KLHL13: variants seen among roughly 807,000 people sequenced by gnomAD.
The protein encoded by KLHL13 is kelch like family member 13.
KLHL13 carries 10 observed loss-of-function variants against 37.1 expected under a neutral mutation model. The ratio of observed to expected loss-of-function variants is 0.27; its 90% confidence interval spans 0.17 to 0.46. The LOEUF is 0.46. KLHL13 is among the 20% of genes least tolerant of loss of function. The pLI, the probability that KLHL13 is intolerant of heterozygous loss-of-function variation, is 1.00. For synonymous variants in KLHL13, 163 were observed against 181.2 expected (o/e 0.90, Z 0.81); for missense variants, 360 against 509.3 (o/e 0.71, Z 2.82).
rs187912317 is a variant in KLHL13, at chrX:118,087,221, C to T, written c.-56+29287G>A. ...CTTAATTTCCCTCTAAACTCTCATCCCTGTTAAGAAGTTAACTAGCCTTCC... is the reference window on the plus strand; with the variant it reads ...CTTAATTTCCCTCTAAACTCTCATCTCTGTTAAGAAGTTAACTAGCCTTCC... On this transcript the variant is annotated intron_variant, in intron 1 of 6. Coordinates refer to the KLHL13 transcript ENST00000371882. Among the ~76,000 whole-genome samples, 175 of 110,363 alleles carry T rather than the reference C, an allele frequency of 1.6e-3. 2 individuals are homozygous for T. The highest frequency in any genetic ancestry group is 5.4e-3 in the African/African-American group (165 of 30,440).
chrX:118,030,069 C>T (rs185068316), intron 1 of KLHL13, among the ~76,000 whole-genome samples: 18 of 110,960 alleles, frequency 1.6e-4, no homozygotes, highest in African/African-American at 5.5e-4. Flanking sequence ...TTGTCGTCAG[C>T]CCTCTTCCAG....
At chrX:118,062,870 G>A (rs1243870657) in intron 1 of KLHL13, among the ~76,000 whole-genome samples, 1 of 111,112 alleles carries the variant, frequency 9.0e-6, no homozygotes, top group African/African-American at 3.3e-5. Context: ...TGAATCTGGT[G>A]AAAAGGAAAA....
intron 1 of KLHL13, among the ~76,000 whole-genome samples, chrX:118,038,059 T>C: frequency 8.9e-6 from 1 of 112,418 alleles, no homozygotes; most frequent in East Asian, 2.8e-4. Context: ...AGGAGAACAA[T>C]TGTTTGATGT....
chrX:118,090,796 A>G (rs1381438125), intron 1 of KLHL13, among the ~76,000 whole-genome samples: 1 of 110,173 alleles, frequency 9.1e-6, no homozygotes, highest in African/African-American at 3.3e-5. Context: ...CCAAAGGATT[A>G]TAAGTCATGC....
chrX:118,054,187 C>G (rs182800550), intron 1 of KLHL13, among the ~76,000 whole-genome samples: 47 of 110,811 alleles, frequency 4.2e-4, no homozygotes, highest in African/African-American at 1.4e-3. Context: ...TTCCTCATCT[C>G]CATGCTAACA....
At chrX:117,977,107 A>G (rs1022665630), upstream of KLHL13, among the ~76,000 whole-genome samples, 3 of 111,900 alleles carry the variant, frequency 2.7e-5, no homozygotes, top group African/African-American at 9.7e-5. Flanking sequence ...GCATGTTTCT[A>G]TTTGAAGTGA....
At chrX:118,096,696 C>A (rs1168358508) in intron 1 of KLHL13, among the ~76,000 whole-genome samples, 1 of 111,230 alleles carries the variant, frequency 9.0e-6, no homozygotes, top group Non-Finnish European at 1.9e-5. Context: ...ACTGGCAAAC[C>A]GAATCCAGCA....
chrX:118,090,655 T>C (rs1317975484), intron 1 of KLHL13, among the ~76,000 whole-genome samples: 3 of 109,769 alleles, frequency 2.7e-5, no homozygotes, highest in African/African-American at 6.6e-5. Context: ...TGTGGAGAAA[T>C]AGGAACACTT....
intron 1 of KLHL13, among the ~76,000 whole-genome samples, chrX:117,957,121 G>A (rs1396472704): frequency 9.0e-6 from 1 of 111,549 alleles, no homozygotes; most frequent in Admixed American, 9.6e-5. Context: ...CAACTGCTAA[G>A]TTCAACTGAA....
At chrX:118,075,419 G>A (rs1427584012) in intron 1 of KLHL13, among the ~76,000 whole-genome samples, 2 of 112,039 alleles carry the variant, frequency 1.8e-5, no homozygotes, top group Admixed American at 1.9e-4. Flanking sequence ...CTGAAGGAAG[G>A]CAAGTCCTGA....
intron 2 of KLHL13, among the ~76,000 whole-genome samples, chrX:117,935,922 G>C (rs756812699): frequency 7.2e-5 from 8 of 111,632 alleles, no homozygotes; most frequent in Non-Finnish European, 1.5e-4. Context: ...TGATTGTGGT[G>C]ACAGTTGCAC....
chrX:118,071,359 T>C (rs1247875626), intron 1 of KLHL13, among the ~76,000 whole-genome samples: 3 of 111,326 alleles, frequency 2.7e-5, no homozygotes, highest in African/African-American at 9.8e-5. Context: ...TTGAACTAGT[T>C]TACAGTCCCA....
chrX:117,910,040 G>A (rs369418802), exon 5 of KLHL13: 226 of 1,199,522 alleles, frequency 1.9e-4, no homozygotes, highest in Admixed American at 1.7e-3. Context: ...TATCCACTTC[G>A]GTTAGATTGT....
At chrX:117,946,954 T>C (rs778649979) in intron 1 of KLHL13, 1 of 111,969 alleles carries the variant, frequency 8.9e-6, no homozygotes, top group South Asian at 3.7e-4. Flanking sequence ...ATTAGAGCCA[T>C]AGTATAACCA....
At chrX:118,086,236 G>A (rs1271619634) in intron 1 of KLHL13, among the ~76,000 whole-genome samples, 4 of 111,818 alleles carry the variant, frequency 3.6e-5, no homozygotes, top group Non-Finnish European at 7.5e-5. Context: ...ATGCCCGGAT[G>A]TCTTTTTTAT....
chrX:118,103,085 G>T (rs1485906329), intron 1 of KLHL13, among the ~76,000 whole-genome samples: 1 of 111,889 alleles, frequency 8.9e-6, no homozygotes, highest in South Asian at 3.7e-4. Flanking sequence ...CTAGTTGTGA[G>T]AAAAGGTAGC....
intron 1 of KLHL13, among the ~76,000 whole-genome samples, chrX:118,012,344 T>C (rs2054079165): frequency 1.8e-5 from 2 of 111,387 alleles, no homozygotes. Flanking sequence ...AAATTAACTA[T>C]TGGCAAAGCT....
intron 1 of KLHL13, among the ~76,000 whole-genome samples, chrX:117,980,112 C>T (rs1322107904): frequency 1.8e-5 from 2 of 111,437 alleles, no homozygotes; most frequent in African/African-American, 6.5e-5. Flanking sequence ...AATATAGAAG[C>T]AAGACTGCCA....
At chrX:117,955,043 A>C (rs1277758289) in intron 1 of KLHL13, among the ~76,000 whole-genome samples, 1 of 112,197 alleles carries the variant, frequency 8.9e-6, no homozygotes, top group Non-Finnish European at 1.9e-5. Context: ...GGTGCATTAA[A>C]ATCAAAAAGC....
Sources: gnomAD v4.1 joint callset for allele counts (sites outside exome capture counted in the v4.1 genomes callset) on GRCh38, gnomAD v4.1.1 for gene constraint, MANE v1.5 for transcripts, NCBI Gene and HGNC (gene_info 2026-07-23, HGNC 2026-07-21) for gene names.